ADGB: variants seen among roughly 807,000 people sequenced by gnomAD.
ADGB encodes the protein androglobin, also known as calpain-7-like protein.
A neutral mutation model predicts 210.5 loss-of-function variants in ADGB; 172 were observed. The observed-to-expected ratio is 0.82, with a 90% confidence interval of 0.72 to 0.93. ADGB has a LOEUF of 0.93. ADGB is among the 40% of genes least tolerant of loss of function. ADGB has a pLI of 0.00. For synonymous variants in ADGB, 658 were observed against 662.7 expected, an observed-to-expected ratio of 0.99 and a Z score of 0.11; for missense variants, 2,025 against 1,964.8, an observed-to-expected ratio of 1.03 and a Z score of -0.58.
intron 1 of ADGB, among the ~76,000 whole-genome samples, chr6:146,600,888 G>C (rs1465208141): frequency 6.7e-6 from 1 of 149,544 alleles, no homozygotes. Flanking sequence ...GATATTAAAG[G>C]ATTGCAAAAG....
chr6:146,604,257 G>A (rs996612115), intron 1 of ADGB, among the ~76,000 whole-genome samples: 3 of 152,132 alleles, frequency 2.0e-5, no homozygotes, highest in Admixed American at 1.3e-4. Context: ...GTTACAGGAA[G>A]TCCCTTGCCC....
chr6:146,707,115 T>C (rs1776585187), intron 13 of ADGB, among the ~76,000 whole-genome samples: 1 of 152,148 alleles, frequency 6.6e-6, no homozygotes, highest in African/African-American at 2.4e-5. Context: ...CAGAAGCACA[T>C]TGTTTAGTTT....
At chr6:146,638,622 G>T (rs113634024) in intron 2 of ADGB, among the ~76,000 whole-genome samples, 2 of 123,860 alleles carry the variant, frequency 1.6e-5, no homozygotes, top group Non-Finnish European at 3.5e-5. Context: ...GGGGGGGGGG[G>T]AGGGATAGCA....
intron 8 of ADGB, 121 bp from the exon 9 acceptor site, chr6:146,676,192 A>G: frequency 2.2e-6 from 2 of 897,798 alleles, no homozygotes; most frequent in Non-Finnish European, 3.1e-6. Context: ...AAATTATGGC[A>G]TAATTTTACA....
intron 5 of ADGB, among the ~76,000 whole-genome samples, chr6:146,663,172 T>TAATTATAAATATATA (rs1562268241): frequency 1.3e-3 from 181 of 142,270 alleles, no homozygotes; most frequent in African/African-American, 4.3e-3. Flanking sequence ...ATTTATTATA[T>TAATTATAAATATATA]ATTATATATT....
chr6:146,691,443 A>AATATATATATAT (rs1397599810), intron 11 of ADGB, among the ~76,000 whole-genome samples, 153 bp downstream of exon 11: 1 of 21,282 alleles, frequency 4.7e-5, no homozygotes, highest in African/African-American at 3.7e-4. Context: ...TATATATATA[A>AATATATATATAT]AAATATATAT....
intron 35 of ADGB, among the ~76,000 whole-genome samples, chr6:146,813,561 T>A (rs1347838708): frequency 6.6e-6 from 1 of 152,208 alleles, no homozygotes; most frequent in Non-Finnish European, 1.5e-5. Flanking sequence ...GAATATAGAC[T>A]ATATGTGGAC....
intron 1 of ADGB, among the ~76,000 whole-genome samples, chr6:146,617,129 GT>G (rs1038327384): frequency 5.9e-5 from 9 of 151,794 alleles, no homozygotes; most frequent in African/African-American, 2.2e-4. Flanking sequence ...ATTTATCAGT[GT>G]TTTTTAGTTT....
chr6:146,803,000 T>A (rs568035248), intron 35 of ADGB: 231 of 1,608,390 alleles, frequency 1.4e-4, no homozygotes, highest in Middle Eastern at 6.7e-4. Context: ...TTAAACCAAC[T>A]ATAACATATT....
Position 146,705,870 on chromosome 6 carries a change from A to G in ADGB, c.1707+4800A>G, listed in dbSNP as rs571364075. Among the ~76,000 whole-genome samples, 9 of 152,214 alleles carry G rather than the reference A, an allele frequency of 5.9e-5. No individual in the cohort carries two copies. In the South Asian group the frequency reaches 1.9e-3, roughly 32 times the overall value. Reference sequence around the variant, plus strand: ...AAGGATGGTATTAATTATTCTTTAAATATTTGGTAGAATTCAGCAGTGAAG... The same window carrying G: ...AAGGATGGTATTAATTATTCTTTAAGTATTTGGTAGAATTCAGCAGTGAAG... On this transcript the variant is annotated intron_variant, in intron 13 of 35. Transcript: ENST00000397944.
chr6:146,719,769 G>A (rs963083453), intron 16 of ADGB, among the ~76,000 whole-genome samples: 13 of 152,004 alleles, frequency 8.6e-5, no homozygotes, highest in African/African-American at 1.2e-4. Context: ...AATGAGCTCC[G>A]GGCAGAAACT....
chr6:146,782,250 C>A, intron 30 of ADGB, 58 bp downstream of exon 30: 1 of 1,387,998 alleles, frequency 7.2e-7, no homozygotes, highest in South Asian at 1.7e-5. Flanking sequence ...CAGTGGATTC[C>A]TATTTGCCTA....
intron 23 of ADGB, among the ~76,000 whole-genome samples, chr6:146,737,546 C>T (rs1777097586): frequency 6.6e-6 from 1 of 152,208 alleles, no homozygotes; most frequent in South Asian, 2.1e-4. Flanking sequence ...AGAGACTCTA[C>T]AGACCCCATG....
Position 146,813,793 on chromosome 6 carries a change from A to C in ADGB, c.4819-1239A>C, listed in dbSNP as rs182117345. On this transcript the variant is annotated intron_variant, in intron 35 of 35. Transcript: ENST00000397944. ...TTGTGTGTAATAACCAAGTAAATGC[A>C]GCAGATAGTATTTTATCCCCATTTC... is the stretch of plus-strand genomic sequence containing the variant. Among the ~76,000 whole-genome samples the C allele has an allele frequency of 1.7e-3, 252 of 152,364 alleles. 1 individual carries two copies. Among genetic ancestry groups the C allele is most frequent in the Non-Finnish European group, 3.1e-3 (213 of 68,038 alleles).
Position 146,709,454 on chromosome 6 carries a change from G to C in ADGB, c.1708-5928G>C, listed in dbSNP as rs374862295. On this transcript the variant is annotated intron_variant, in intron 13 of 35. Transcript: ENST00000397944. ...TGTTACTGTACTCCTTGAACAGGCT[G>C]GTCTAGTGCCTAGATCAGCAGGTGG... 2.0e-5 allele frequency among the ~76,000 whole-genome samples: 3 copies of C among 152,284 alleles called. No individual in the cohort carries two copies. In the South Asian group the frequency reaches 6.2e-4, roughly 32 times the overall value.
intron 10 of ADGB, among the ~76,000 whole-genome samples, chr6:146,687,814 G>A (rs1164768281): frequency 6.6e-6 from 1 of 151,982 alleles, no homozygotes; most frequent in Non-Finnish European, 1.5e-5. Flanking sequence ...ATGCTTTATG[G>A]AGTGCCATAG....
In ADGB at chr6:146,766,376, G is replaced by A. The variant is rs558399183; in HGVS notation, c.3750+2276G>A. On this transcript the variant is annotated intron_variant, in intron 28 of 35. Transcript: ENST00000397944. ...TGGGAGGCGGAGGTTACAGCGAGCC[G>A]AGATTGTACCACTGCATTCCAGGCT... 3.3e-5 allele frequency among the ~76,000 whole-genome samples: 5 copies of A among 151,892 alleles called. No homozygotes were observed. The South Asian group carries it at 8.3e-4, about 25-fold the overall frequency.
intron 1 of ADGB, among the ~76,000 whole-genome samples, chr6:146,612,224 C>A (rs1780722946): frequency 6.6e-6 from 1 of 152,188 alleles, no homozygotes; most frequent in South Asian, 2.1e-4. Flanking sequence ...AGTTTCTCTT[C>A]TTTCCCTTTT....
intron 2 of ADGB, among the ~76,000 whole-genome samples, chr6:146,641,011 C>G (rs983245952): frequency 1.2e-4 from 18 of 151,922 alleles, no homozygotes; most frequent in African/African-American, 4.3e-4. Flanking sequence ...ATCTAGAAAA[C>G]CCCACAGTCT....
Sources: allele counts gnomAD v4.1 joint callset (sites outside exome capture counted in the v4.1 genomes callset), GRCh38; gene constraint gnomAD v4.1.1; transcripts MANE v1.5; gene names NCBI Gene and HGNC (gene_info 2026-07-23, HGNC 2026-07-21).